The following DNM3 variants were observed in gnomAD, a reference collection of about 807,000 sequenced individuals.
DNM3 encodes dynamin-3.
Under a neutral mutation model 101.6 loss-of-function variants are expected in DNM3, and 47 were observed. The observed-to-expected ratio is 0.46, with a 90% CI of 0.37 to 0.59. DNM3 has a LOEUF of 0.59. Among genes scored for constraint, DNM3 ranks in the 20% least tolerant of loss-of-function variants. The pLI is 0.00. For synonymous variants in DNM3, 385 were observed against 387.9 expected (o/e 0.99, Z 0.09); for missense variants, 849 against 1,085.7 (o/e 0.78, Z 3.06).
chr1:172,050,628 A>T (rs1253043442), intron 10 of DNM3, among the ~76,000 whole-genome samples: 3 of 152,180 alleles, frequency 2.0e-5, no homozygotes, highest in African/African-American at 7.2e-5. Context: ...TGTGTGTGTG[A>T]GGGATTATAA....
intron 2 of DNM3, among the ~76,000 whole-genome samples, chr1:171,947,643 T>C (rs1031864192): frequency 6.6e-6 from 1 of 152,162 alleles, no homozygotes; most frequent in African/African-American, 2.4e-5. Flanking sequence ...TAAGTTAAGA[T>C]AATAAACTAG....
intron 1 of DNM3, among the ~76,000 whole-genome samples, chr1:171,886,888 C>T (rs368606634): frequency 2.6e-5 from 4 of 152,010 alleles, no homozygotes; most frequent in East Asian, 1.9e-4. Context: ...GATTTGTCAT[C>T]GTTTCTGGTT....
At chr1:172,203,616 A>G (rs996730428) in intron 14 of DNM3, among the ~76,000 whole-genome samples, 19 of 152,122 alleles carry the variant, frequency 1.2e-4, no homozygotes, top group African/African-American at 4.6e-4. Context: ...CACATTATTT[A>G]TCTGTATTTC....
intron 14 of DNM3, among the ~76,000 whole-genome samples, chr1:172,247,667 A>ATTTC (rs1449882408): frequency 6.7e-6 from 1 of 149,866 alleles, no homozygotes. Flanking sequence ...TTATTTATTT[A>ATTTC]TTTATTTATT....
intron 2 of DNM3, among the ~76,000 whole-genome samples, chr1:171,937,018 A>G (rs530964536): frequency 2.0e-5 from 3 of 152,214 alleles, no homozygotes; most frequent in Non-Finnish European, 4.4e-5. Context: ...GAACAATGTC[A>G]ACTTTTCACC....
Position 172,374,224 on chromosome 1 carries a change from C to T in DNM3, c.1894-4794C>T, listed in dbSNP as rs75967283. The stretch of plus-strand genomic sequence containing the variant: ...ATTAACTTAAATTTCCTAAAACAGC[C>T]TTCAGGTCTTTTTTTAATCTTGATC... On this transcript the variant is annotated intron_variant, in intron 17 of 20. Transcript: ENST00000627582. 1.8e-3 allele frequency among the ~76,000 whole-genome samples: 275 copies of T among 152,082 alleles called. 3 individuals are homozygous for T. The East Asian group carries it at 0.042, about 23-fold the overall frequency.
intron 2 of DNM3, among the ~76,000 whole-genome samples, chr1:171,972,792 T>C (rs2044096151): frequency 6.6e-6 from 1 of 152,108 alleles, no homozygotes; most frequent in South Asian, 2.1e-4. Flanking sequence ...GAAGTTGCAG[T>C]GGGCTGAGAT....
intron 17 of DNM3, among the ~76,000 whole-genome samples, chr1:172,347,200 C>CA (rs955469462): frequency 1.0e-4 from 15 of 147,538 alleles, no homozygotes; most frequent in South Asian, 2.2e-4. Context: ...AGAAGCCCCC[C>CA]CCGCCAAAAA....
Position 172,409,006 on chromosome 1 carries a change from T to G in DNM3, c.*1165T>G, listed in dbSNP as rs986298505. On this transcript the variant is annotated 3_prime_UTR_variant, in exon 21 of 21. Transcript: ENST00000627582. ...TCCAGGTCACTCCAGAAAAGGGTAT[T>G]GAAACGTTGAAATCTAAAGCAAATT... 4.1e-6 allele frequency: 4 copies of G among 985,378 alleles called. No homozygotes were observed. The highest frequency in any genetic ancestry group is 4.8e-6 in the Non-Finnish European group (4 of 829,900). The allele number at this position is 985,378 out of a possible 1,614,324, so 61.0% of individuals were successfully genotyped here.
rs565691136 is a variant in DNM3 at position 171,965,682 on chromosome 1, C to T, written c.236-21974C>T. 6.6e-5 allele frequency among the ~76,000 whole-genome samples: 10 copies of T among 152,192 alleles called. No individual in the cohort carries two copies. The South Asian group carries it at 8.3e-4, about 13-fold the overall frequency. Reference sequence around the variant, plus strand: ...CGCTTCTGTCCCCATGTAGTTGAGGCGTGTCCCCCTCCCAGCAAGTGGATG... The same window carrying T: ...CGCTTCTGTCCCCATGTAGTTGAGGTGTGTCCCCCTCCCAGCAAGTGGATG... On this transcript the variant is annotated intron_variant, in intron 2 of 20. Coordinates refer to ENST00000627582, the MANE Select transcript of DNM3 (RefSeq NM_015569.5).
intron 20 of DNM3, chr1:172,397,088 A>C (rs1388062979): frequency 6.6e-6 from 1 of 152,660 alleles, no homozygotes; most frequent in Non-Finnish European, 1.5e-5. Flanking sequence ...TACACCAGAA[A>C]GTCTGCCCCA....
intron 15 of DNM3, among the ~76,000 whole-genome samples, chr1:172,276,991 AT>A (rs970414034): frequency 3.9e-5 from 6 of 152,166 alleles, no homozygotes; most frequent in African/African-American, 1.2e-4. Flanking sequence ...CTTTAAAAAA[AT>A]ATGTGGCTAG....
At chr1:172,004,041 G>T (rs2046518017) in intron 4 of DNM3, among the ~76,000 whole-genome samples, 1 of 152,022 alleles carries the variant, frequency 6.6e-6, no homozygotes, top group Non-Finnish European at 1.5e-5. Flanking sequence ...ATTTTGCAGG[G>T]AGGGTTGAAT....
chr1:172,071,045 A>C (rs1052991647), intron 11 of DNM3, among the ~76,000 whole-genome samples: 3 of 139,438 alleles, frequency 2.2e-5, no homozygotes, highest in African/African-American at 8.2e-5. Flanking sequence ...AGCTATGGTC[A>C]TGCCACTGCA....
At chr1:172,063,846 A>G (rs1224603078) in intron 10 of DNM3, among the ~76,000 whole-genome samples, 2 of 151,968 alleles carry the variant, frequency 1.3e-5, no homozygotes, top group African/African-American at 2.4e-5. Flanking sequence ...AATTTGCTGT[A>G]TAATAAATGT....
At chr1:172,191,771 T>A (rs2059733405) in intron 14 of DNM3, among the ~76,000 whole-genome samples, 2 of 152,318 alleles carry the variant, frequency 1.3e-5, no homozygotes, top group Admixed American at 1.3e-4. Context: ...TTATTCTCTT[T>A]GAAGCAATTG....
At chr1:172,032,837 C>T (rs1019513233) in intron 5 of DNM3, among the ~76,000 whole-genome samples, 8 of 152,002 alleles carry the variant, frequency 5.3e-5, no homozygotes, top group Non-Finnish European at 1.2e-4. Flanking sequence ...TGCTATATGA[C>T]AAAACTGCTA....
intron 14 of DNM3, among the ~76,000 whole-genome samples, chr1:172,191,486 C>T (rs2059721560): frequency 1.3e-5 from 2 of 152,058 alleles, no homozygotes; most frequent in Admixed American, 6.6e-5. Flanking sequence ...TTAGGATTGT[C>T]TTGGCAATGC....
chr1:171,995,878 G>T (rs1292158221), intron 4 of DNM3, among the ~76,000 whole-genome samples: 3 of 152,090 alleles, frequency 2.0e-5, no homozygotes, highest in African/African-American at 7.2e-5. Flanking sequence ...CTTCTGAGAG[G>T]TAGTGTATTT....
Sources: gnomAD v4.1 joint callset for allele counts (sites outside exome capture counted in the v4.1 genomes callset) on GRCh38, gnomAD v4.1.1 for gene constraint, MANE v1.5 for transcripts, NCBI Gene and HGNC (gene_info 2026-07-23, HGNC 2026-07-21) for gene names.